The following CADM2 variants were observed in gnomAD, a reference collection of about 807,000 sequenced individuals.
CADM2 encodes the protein cell adhesion molecule 2.
In CADM2, 12 loss-of-function variants were observed where a neutral mutation model predicts 49.8. That is an observed-to-expected ratio of 0.24 (90% CI 0.15 to 0.39). The LOEUF (loss-of-function observed/expected upper bound fraction) is 0.39, where lower values mean the gene tolerates loss of function less well. Among genes scored for constraint, CADM2 ranks in the 10% least tolerant of loss-of-function variants. CADM2 has a pLI of 1.00. For synonymous variants in CADM2, 214 were observed against 175.4 expected (o/e 1.22, Z -1.74); for missense variants, 378 against 492.3 (o/e 0.77, Z 2.20).
chr3:85,449,208 A>C (rs1444393456), intron 1 of CADM2, among the ~76,000 whole-genome samples: 1 of 151,544 alleles, frequency 6.6e-6, no homozygotes, highest in African/African-American at 2.4e-5. Context: ...AGAGTCACAA[A>C]GTGCTATTAA....
chr3:85,872,769 A>G (rs942634729), intron 3 of CADM2, among the ~76,000 whole-genome samples: 19 of 151,072 alleles, frequency 1.3e-4, no homozygotes, highest in Non-Finnish European at 2.8e-4. Flanking sequence ...ATATCACAAG[A>G]TAAATATGCT....
chr3:85,342,147 A>C (rs1019411043), intron 1 of CADM2, among the ~76,000 whole-genome samples: 4 of 152,150 alleles, frequency 2.6e-5, no homozygotes, highest in African/African-American at 4.8e-5. Context: ...ATCTAAAAAG[A>C]TATTTAAAAA....
chr3:85,785,592 C>G (rs1171113289), intron 2 of CADM2, among the ~76,000 whole-genome samples: 1 of 151,970 alleles, frequency 6.6e-6, no homozygotes, highest in Non-Finnish European at 1.5e-5. Context: ...ACCTGAAAGT[C>G]ATATAAGACA....
chr3:85,326,816 T>C (rs1006453860), intron 1 of CADM2, among the ~76,000 whole-genome samples: 1 of 152,108 alleles, frequency 6.6e-6, no homozygotes. Context: ...TTAAATATAA[T>C]TATATGGTGG....
chr3:85,527,520 AT>A (rs1489132184), intron 1 of CADM2, among the ~76,000 whole-genome samples: 1 of 151,452 alleles, frequency 6.6e-6, no homozygotes, highest in South Asian at 2.1e-4. Context: ...TACACACTAT[AT>A]ATGAGATAAA....
intron 1 of CADM2, among the ~76,000 whole-genome samples, chr3:84,987,117 T>C (rs2032616804): frequency 6.6e-6 from 1 of 152,032 alleles, no homozygotes; most frequent in East Asian, 2.0e-4. Context: ...TCCAGTTCAA[T>C]GGAATGTGTT....
chr3:85,294,127 C>T (rs993121557), intron 1 of CADM2, among the ~76,000 whole-genome samples: 1 of 151,962 alleles, frequency 6.6e-6, no homozygotes, highest in African/African-American at 2.4e-5. Context: ...AAATCACAAG[C>T]ATTCTTATAC....
chr3:85,810,771 C>T (rs1348240909), intron 3 of CADM2, among the ~76,000 whole-genome samples: 1 of 151,842 alleles, frequency 6.6e-6, no homozygotes, highest in Non-Finnish European at 1.5e-5. Flanking sequence ...AACTCCTGAC[C>T]TCAAGAGATC....
chr3:85,160,342 G>C (rs186019183), intron 1 of CADM2, among the ~76,000 whole-genome samples: 195 of 151,754 alleles, frequency 1.3e-3, no homozygotes, highest in African/African-American at 4.2e-3. Context: ...AATTCATTAT[G>C]GTACATATAA....
rs186637348 is a variant in CADM2 at position 85,272,785 on chromosome 3, A to G, written c.61+313117A>G. On this transcript the variant is annotated intron_variant, in intron 1 of 9. Coordinates refer to ENST00000383699, the MANE Select transcript of CADM2 (RefSeq NM_001167675.2). ...CTGTGCTTATTCGTCCATTCAGTCA[A>G]TAAATACTTATCAGTCTCCTACTAT... 8.6e-5 allele frequency among the ~76,000 whole-genome samples: 13 copies of G among 151,404 alleles called. 1 individual carries two copies. The East Asian group carries it at 2.1e-3, about 25-fold the overall frequency.
chr3:85,760,642 C>A (rs1416617857), intron 2 of CADM2, among the ~76,000 whole-genome samples: 1 of 152,114 alleles, frequency 6.6e-6, no homozygotes, highest in Admixed American at 6.6e-5. Flanking sequence ...AATATGCCTT[C>A]TCTATACAGA....
intron 1 of CADM2, among the ~76,000 whole-genome samples, chr3:85,033,043 A>T (rs535405817): frequency 6.6e-6 from 1 of 152,252 alleles, no homozygotes; most frequent in African/African-American, 2.4e-5. Flanking sequence ...AATTCTACTT[A>T]AAAAAATTAC....
In CADM2 at chr3:85,690,808, T is replaced by C. The variant is rs1027778733; in HGVS notation, c.62-35714T>C. Among the ~76,000 whole-genome samples, 5 of 152,212 alleles carry C rather than the reference T, an allele frequency of 3.3e-5. No homozygotes were observed. The East Asian group carries it at 9.6e-4, about 29-fold the overall frequency. ...TTGTGTTTTCATTTATAAATACTTG[T>C]ACATATTTATGGTACAGTGCGATAT... On this transcript the variant is annotated intron_variant, in intron 1 of 9. Transcript: ENST00000383699.
intron 1 of CADM2, among the ~76,000 whole-genome samples, chr3:85,147,639 T>C (rs1348313065): frequency 1.3e-5 from 2 of 152,182 alleles, no homozygotes; most frequent in African/African-American, 2.4e-5. Flanking sequence ...TTCATAGATA[T>C]GTATTCATTT....
intron 1 of CADM2, among the ~76,000 whole-genome samples, chr3:85,516,770 T>TAATC (rs2060913210): frequency 6.6e-6 from 1 of 152,142 alleles, no homozygotes; most frequent in African/African-American, 2.4e-5. Context: ...TGGACAAAAA[T>TAATC]AATTTATTTT....
intron 1 of CADM2, among the ~76,000 whole-genome samples, chr3:85,444,097 T>C (rs567237877): frequency 3.3e-5 from 5 of 152,238 alleles, no homozygotes; most frequent in African/African-American, 1.2e-4. Context: ...TTAAGAAATC[T>C]TATTGGCTCT....
intron 1 of CADM2, among the ~76,000 whole-genome samples, chr3:85,224,872 G>T (rs1305099821): frequency 1.3e-5 from 2 of 152,074 alleles, no homozygotes; most frequent in South Asian, 4.1e-4. Flanking sequence ...TTTCCCCATT[G>T]CTTGTTTTTG....
intron 1 of CADM2, among the ~76,000 whole-genome samples, chr3:85,469,082 G>A (rs2038652652): frequency 6.6e-6 from 1 of 152,226 alleles, no homozygotes; most frequent in Admixed American, 6.5e-5. Flanking sequence ...AAAGTTGCAA[G>A]AGTTTGCAGT....
chr3:85,371,900 G>T (rs2033267253), intron 1 of CADM2, among the ~76,000 whole-genome samples: 3 of 151,394 alleles, frequency 2.0e-5, no homozygotes, highest in Admixed American at 2.0e-4. Context: ...TGTATACTGT[G>T]AAGGAGAACT....
Sources: gnomAD v4.1 joint callset for allele counts (sites outside exome capture counted in the v4.1 genomes callset) on GRCh38, gnomAD v4.1.1 for gene constraint, MANE v1.5 for transcripts, NCBI Gene and HGNC (gene_info 2026-07-23, HGNC 2026-07-21) for gene names.